TTBK2: variants seen among roughly 807,000 people sequenced by gnomAD.
TTBK2 encodes tau-tubulin kinase 2.
TTBK2 carries 28 observed loss-of-function variants against 110.8 expected under a neutral mutation model. The ratio of observed to expected loss-of-function variants is 0.25; its 90% CI spans 0.19 to 0.35. The LOEUF (loss-of-function observed/expected upper bound fraction) is 0.35. TTBK2 is among the 10% of genes least tolerant of loss of function. The pLI is 1.00. For synonymous variants in TTBK2, 532 were observed against 527.3 expected, an observed-to-expected ratio of 1.01 and a Z score of -0.12; for missense variants, 1,369 against 1,500.3, an observed-to-expected ratio of 0.91 and a Z score of 1.45.
rs1567000293 is a variant in TTBK2 at position 42,752,318 on chromosome 15, T to G, written c.2928A>C (p.Pro976=). 6.2e-7 allele frequency: 1 copy of G among 1,614,240 alleles called. No individual in the cohort carries two copies. The highest frequency in any genetic ancestry group is 1.1e-5 in the South Asian group (1 of 91,080). ...TTTCCACCAGAAGCTTGACTAGGTC[T>G]GGCTGATAGGCTTTCTTTTGGAGGA... ...EKLLQKKAYQ[P]DLVKLLVEKR... is the part of the protein sequence containing the mutation. The change falls in exon 14 of 15, where the codon CCA becomes CCC. Residue 976 remains proline, a synonymous_variant. Coordinates refer to ENST00000267890, the MANE Select transcript of TTBK2 (RefSeq NM_173500.4).
chr15:42,901,218 C>T (rs140226750), intron 1 of TTBK2, among the ~76,000 whole-genome samples: 19 of 151,664 alleles, frequency 1.3e-4, no homozygotes, highest in East Asian at 3.9e-4. Context: ...AAAAATTAGC[C>T]GGGCGTGGTG....
intron 3 of TTBK2, among the ~76,000 whole-genome samples, chr15:42,853,632 T>C (rs1893809232): frequency 6.6e-6 from 1 of 152,194 alleles, no homozygotes; most frequent in Non-Finnish European, 1.5e-5. Flanking sequence ...AGAGCTAACA[T>C]GGAAAAGAAG....
At chr15:42,819,417 G>A (rs1236981540) in intron 6 of TTBK2, among the ~76,000 whole-genome samples, 7 of 150,410 alleles carry the variant, frequency 4.7e-5, no homozygotes, top group African/African-American at 1.7e-4. Flanking sequence ...AACAATCTAT[G>A]TGTTCTTCCT....
chr15:42,750,969 A>G (rs906219333), intron 14 of TTBK2, among the ~76,000 whole-genome samples: 4 of 152,230 alleles, frequency 2.6e-5, no homozygotes, highest in African/African-American at 7.2e-5. Flanking sequence ...TAAGAATCCT[A>G]TATCTGGCAA....
chr15:42,912,802 G>A (rs950008005), intron 1 of TTBK2, among the ~76,000 whole-genome samples: 4 of 152,022 alleles, frequency 2.6e-5, no homozygotes, highest in African/African-American at 9.7e-5. Context: ...GTACACACCA[G>A]CTAAATTTTT....
intron 13 of TTBK2, among the ~76,000 whole-genome samples, chr15:42,757,500 C>T (rs2061964959): frequency 6.6e-6 from 1 of 152,190 alleles, no homozygotes; most frequent in South Asian, 2.1e-4. Context: ...AAGTTGTGCA[C>T]AGCACAGTAC....
intron 4 of TTBK2, among the ~76,000 whole-genome samples, chr15:42,839,054 GC>G (rs1459335331): frequency 1.3e-5 from 2 of 152,118 alleles, no homozygotes; most frequent in Non-Finnish European, 2.9e-5. Context: ...CAGGTAGTGA[GC>G]ACAGTATCCA....
chr15:42,805,413 T>C (rs1364576040), intron 9 of TTBK2, among the ~76,000 whole-genome samples: 1 of 152,142 alleles, frequency 6.6e-6, no homozygotes, highest in Non-Finnish European at 1.5e-5. Flanking sequence ...GCGGAGAAAC[T>C]GACATCTGAG....
intron 13 of TTBK2, among the ~76,000 whole-genome samples, chr15:42,763,092 ATATATATATACG>A (rs1165623496): frequency 4.8e-5 from 6 of 124,206 alleles, no homozygotes; most frequent in South Asian, 2.4e-4. Flanking sequence ...TTTTATATAT[ATATATATATACG>A]TATATATATA....
At chr15:42,815,958 A>AAAAAAAAATATATATATATAT (rs71108183) in intron 7 of TTBK2, among the ~76,000 whole-genome samples, 1 of 91,716 alleles carries the variant, frequency 1.1e-5, no homozygotes, top group African/African-American at 6.2e-5. Flanking sequence ...TTAAAAAAAA[A>AAAAAAAAATATATATATATAT]ATATATATAT....
At chr15:42,842,680 G>A (rs1205295957) in intron 3 of TTBK2, among the ~76,000 whole-genome samples, 1 of 150,752 alleles carries the variant, frequency 6.6e-6, no homozygotes, top group Non-Finnish European at 1.5e-5. Context: ...GAGGCCAGGA[G>A]TTTGAGACCA....
intron 13 of TTBK2, among the ~76,000 whole-genome samples, chr15:42,760,355 A>G (rs1216637962): frequency 6.9e-6 from 1 of 145,578 alleles, no homozygotes; most frequent in Non-Finnish European, 1.5e-5. Flanking sequence ...ACTGCACTCC[A>G]GCCTGGGTGG....
chr15:42,840,510 T>C (rs1893176710), intron 3 of TTBK2, 77 bp from the exon 4 acceptor site: 4 of 1,268,932 alleles, frequency 3.2e-6, no homozygotes, highest in East Asian at 2.3e-5. Context: ...CTTTTCTGTA[T>C]AGTGTTTTAT....
chr15:42,878,483 C>T (rs1242047768), intron 2 of TTBK2, 66 bp downstream of exon 2: 9 of 1,546,752 alleles, frequency 5.8e-6, no homozygotes, highest in Middle Eastern at 1.7e-4. Context: ...AATTACCCCC[C>T]GATATGTATA....
intron 13 of TTBK2, among the ~76,000 whole-genome samples, chr15:42,755,011 G>GA (rs71431863): frequency 0.76 from 53,161 of 69,712 alleles, 20,152 homozygotes; most frequent in Admixed American, 0.84. Flanking sequence ...TCCATCTCAG[G>GA]AAAAAAAAAA....
chr15:42,903,714 T>C (rs2030206279), intron 1 of TTBK2, among the ~76,000 whole-genome samples: 1 of 152,196 alleles, frequency 6.6e-6, no homozygotes, highest in South Asian at 2.1e-4. Context: ...CCTCATCTCC[T>C]GCTATTGATC....
At chr15:42,872,816 GC>G in intron 2 of TTBK2, 58 bp from the exon 3 acceptor site, 1 of 1,587,850 alleles carries the variant, frequency 6.3e-7, no homozygotes, top group Admixed American at 1.7e-5. Flanking sequence ...TAACTTGAAA[GC>G]AATTGATCTC....
intron 4 of TTBK2, among the ~76,000 whole-genome samples, chr15:42,837,657 CAAAAAAAAAAA>C (rs35898464): frequency 2.5e-5 from 1 of 39,996 alleles, no homozygotes; most frequent in African/African-American, 9.1e-5. Context: ...GACTCTGTCT[CAAAAAAAAAAA>C]AAAAAAAAAA....
At chr15:42,755,990 G>A (rs2061940239) in intron 13 of TTBK2, among the ~76,000 whole-genome samples, 1 of 152,188 alleles carries the variant, frequency 6.6e-6, no homozygotes, top group South Asian at 2.1e-4. Context: ...GAGGTCAGGA[G>A]TTTGAGACCA....
Sources: allele counts gnomAD v4.1 joint callset (sites outside exome capture counted in the v4.1 genomes callset), GRCh38; gene constraint gnomAD v4.1.1; transcripts MANE v1.5; gene names NCBI Gene and HGNC (gene_info 2026-07-23, HGNC 2026-07-21).